MAN1A1: variants seen among roughly 807,000 people sequenced by gnomAD.
MAN1A1 encodes the protein mannosyl-oligosaccharide 1,2-alpha-mannosidase IA.
A neutral mutation model predicts 70.8 loss-of-function variants in MAN1A1; 29 were observed. The observed-to-expected ratio is 0.41, with a 90% CI of 0.31 to 0.56. MAN1A1 has a LOEUF of 0.56. Ranked by LOEUF, MAN1A1 falls within the 20% of genes least tolerant of loss-of-function variation. The pLI, the probability that MAN1A1 is intolerant of heterozygous loss-of-function variation, is 0.29. For synonymous variants in MAN1A1, 349 were observed against 330.1 expected, an observed-to-expected ratio of 1.06 and a Z score of -0.62; for missense variants, 747 against 841.3, an observed-to-expected ratio of 0.89 and a Z score of 1.39.
chr6:119,235,693 C>T (rs969470377), intron 6 of MAN1A1, among the ~76,000 whole-genome samples: 5 of 152,162 alleles, frequency 3.3e-5, no homozygotes, highest in African/African-American at 1.2e-4. Flanking sequence ...CAGCCTTCTG[C>T]TGGAAGAAGA....
intron 6 of MAN1A1, chr6:119,210,909 C>A (rs1253671395): frequency 2.2e-6 from 1 of 456,040 alleles, no homozygotes; most frequent in East Asian, 7.0e-5. Flanking sequence ...CCTCCATAGC[C>A]CTTGGGATAT....
At chr6:119,212,004 C>T (rs554525996) in intron 6 of MAN1A1, among the ~76,000 whole-genome samples, 3 of 151,900 alleles carry the variant, frequency 2.0e-5, no homozygotes, top group South Asian at 4.2e-4. Context: ...CCATGCCTGG[C>T]TAATTTTTTG....
chr6:119,276,863 T>G (rs571869190), intron 5 of MAN1A1, among the ~76,000 whole-genome samples: 2 of 152,194 alleles, frequency 1.3e-5, no homozygotes, highest in African/African-American at 4.8e-5. Context: ...AAAACTAAGA[T>G]GACAATCTCT....
chr6:119,242,134 G>GACACACACACACACACACACACACACAC (rs139698571), intron 6 of MAN1A1, among the ~76,000 whole-genome samples: 3 of 150,526 alleles, frequency 2.0e-5, no homozygotes, highest in African/African-American at 7.4e-5. Flanking sequence ...CAGACAGACA[G>GACACACACACACACACACACACACACAC]ACACACACAC....
rs368974892 is a variant in MAN1A1, at chr6:119,201,227, T to C, written c.1210+27A>G. 3.1e-5 allele frequency: 46 copies of C among 1,506,846 alleles called. No individual in the cohort carries two copies. The African/African-American group carries it at 5.6e-4, about 18-fold the overall frequency. The allele number at this position is 1,506,846 out of a possible 1,614,324, so 93.3% of individuals were successfully genotyped here. Reference sequence around the variant, plus strand: ...CCACGAGTACAGTACCAAAAAGAGCTATAATAATGCAAATCTTCTGACTTA... The same window carrying C: ...CCACGAGTACAGTACCAAAAAGAGCCATAATAATGCAAATCTTCTGACTTA... On this transcript the variant is annotated intron_variant, in intron 8 of 12. Coordinates refer to ENST00000368468, the MANE Select transcript of MAN1A1 (RefSeq NM_005907.4).
chr6:119,225,051 CGGGAGGCAGAGGTTGCA>C (rs1274942001), intron 6 of MAN1A1, among the ~76,000 whole-genome samples: 1 of 151,726 alleles, frequency 6.6e-6, no homozygotes, highest in African/African-American at 2.4e-5. Context: ...TGCTTGAACC[CGGGAGGCAGAGGTTGCA>C]GGGAGGCAGA....
At chr6:119,332,777 C>A (rs1773352154) in intron 2 of MAN1A1, among the ~76,000 whole-genome samples, 1 of 114,330 alleles carries the variant, frequency 8.7e-6, no homozygotes, top group Admixed American at 9.9e-5. Context: ...AAGAGCAAAA[C>A]TCCATCTCAA....
At chr6:119,192,455 T>A (rs1427768844) in intron 9 of MAN1A1, among the ~76,000 whole-genome samples, 2 of 152,164 alleles carry the variant, frequency 1.3e-5, no homozygotes, top group African/African-American at 4.8e-5. Context: ...TGAAGACTTG[T>A]AAAGGAAACC....
chr6:119,338,239 T>C (rs920633090), intron 2 of MAN1A1, among the ~76,000 whole-genome samples: 2 of 152,136 alleles, frequency 1.3e-5, no homozygotes, highest in Admixed American at 6.5e-5. Flanking sequence ...GGCAGACTTT[T>C]ATGAACCAAG....
At chr6:119,331,598 T>TATATATATAA (rs1491119267) in intron 2 of MAN1A1, among the ~76,000 whole-genome samples, 3 of 142,500 alleles carry the variant, frequency 2.1e-5, no homozygotes, top group Admixed American at 7.1e-5. Context: ...TATATATATA[T>TATATATATAA]AATCAAGGGG....
At chr6:119,197,453 C>A (rs1308184368) in intron 8 of MAN1A1, among the ~76,000 whole-genome samples, 7 of 152,122 alleles carry the variant, frequency 4.6e-5, no homozygotes, top group African/African-American at 1.4e-4. Flanking sequence ...GGTTACTACC[C>A]GCAAAAGCTT....
intron 2 of MAN1A1, among the ~76,000 whole-genome samples, chr6:119,326,618 G>A (rs983339770): frequency 5.9e-5 from 9 of 152,194 alleles, no homozygotes; most frequent in Admixed American, 5.9e-4. Context: ...GAGGGCTCAT[G>A]GACTCACAGT....
chr6:119,285,978 T>C (rs1448940022), intron 5 of MAN1A1, among the ~76,000 whole-genome samples: 1 of 152,206 alleles, frequency 6.6e-6, no homozygotes, highest in Non-Finnish European at 1.5e-5. Flanking sequence ...AACCGGAAGA[T>C]ACATTTCCAT....
rs1773822977 is a variant in MAN1A1 at position 119,348,953 on chromosome 6, A to T, written c.113T>A (p.Leu38Gln). The T allele has an allele frequency of 5.2e-6, 8 of 1,528,368 alleles. No homozygotes were observed. Among genetic ancestry groups the T allele is most frequent in the Non-Finnish European group, 7.0e-6 (8 of 1,137,432 alleles). The allele number at this position is 1,528,368 out of a possible 1,614,324, so 94.7% of individuals were successfully genotyped here. Residue 38 changes from leucine (L) to glutamine (Q), a missense_variant, in exon 2 of 13, where the codon CTG (leucine) becomes CAG (glutamine). By Grantham distance (113) the Leu-to-Gln change is moderately radical. This residue lies in a region of MAN1A1 where 328 missense variants were observed against 293.1 expected (regional missense o/e 1.12). Transcript: ENST00000368468. Reference sequence around the variant, plus strand: ...CAGCAGCAGCACGAACTTCTCCGTCAGGCGGAGGGCGGCGGGGCCCGACCC... The same window carrying T: ...CAGCAGCAGCACGAACTTCTCCGTCTGGCGGAGGGCGGCGGGGCCCGACCC... Reference protein sequence around the residue: ...RKGSGPAALRLTEKFVLLLVF... With the variant: ...RKGSGPAALRQTEKFVLLLVF...
chr6:119,181,434 C>A (rs1190842405), intron 11 of MAN1A1, among the ~76,000 whole-genome samples: 1 of 140,826 alleles, frequency 7.1e-6, no homozygotes. Context: ...TGGCTGGGAT[C>A]TATTCCTAAA....
chr6:119,273,374 T>C (rs1036088204), intron 5 of MAN1A1, among the ~76,000 whole-genome samples: 8 of 152,146 alleles, frequency 5.3e-5, no homozygotes, highest in Non-Finnish European at 1.2e-4. Flanking sequence ...TGAAATCATA[T>C]CATACATGAA....
At chr6:119,293,212 A>G (rs1772099053) in intron 4 of MAN1A1, among the ~76,000 whole-genome samples, 3 of 152,126 alleles carry the variant, frequency 2.0e-5, no homozygotes, top group South Asian at 4.1e-4. Flanking sequence ...TCCAAGGTGA[A>G]GGTCTGAGTC....
rs554300180 is a variant in MAN1A1 at position 119,323,322 on chromosome 6, C to T, written c.604-16330G>A. On this transcript the variant is annotated intron_variant, in intron 2 of 12. Coordinates refer to ENST00000368468, the MANE Select transcript of MAN1A1 (RefSeq NM_005907.4). ...AAAATGATGCAGTGGTTATCATCCT[C>T]GCTGCAATTAACACCTTCCTTTTGC... Among the ~76,000 whole-genome samples the T allele has an allele frequency of 3.9e-5, 6 of 152,164 alleles. No homozygotes were observed. The East Asian group carries it at 5.8e-4, about 15-fold the overall frequency.
intron 5 of MAN1A1, among the ~76,000 whole-genome samples, chr6:119,283,248 T>C (rs1321563254): frequency 6.6e-6 from 1 of 152,248 alleles, no homozygotes; most frequent in Non-Finnish European, 1.5e-5. Flanking sequence ...TTATTTATAT[T>C]ATCCATGTAC....
Sources: gnomAD v4.1 joint callset for allele counts (sites outside exome capture counted in the v4.1 genomes callset) on GRCh38, gnomAD v4.1.1 for gene constraint, gnomAD v4.1.1 regional missense constraint, MANE v1.5 for transcripts, NCBI Gene and HGNC (gene_info 2026-07-23, HGNC 2026-07-21) for gene names.